The following AGAP1 variants were observed in gnomAD, a reference collection of about 807,000 sequenced individuals.
AGAP1 encodes the protein arf-GAP with GTPase, ANK repeat and PH domain-containing protein 1.
In AGAP1, 29 loss-of-function variants were observed where a neutral mutation model predicts 105.3. The ratio of observed to expected loss-of-function variants is 0.28; its 90% CI spans 0.21 to 0.38. AGAP1 has a LOEUF of 0.38. Among genes scored for constraint, AGAP1 ranks in the 10% least tolerant of loss-of-function variants. The pLI, the probability that AGAP1 is intolerant of heterozygous loss-of-function variation, is 1.00. For synonymous variants in AGAP1, 509 were observed against 485.9 expected (o/e 1.05, Z -0.63); for missense variants, 998 against 1,165.1 (o/e 0.86, Z 2.09).
In AGAP1 at chr2:236,073,637, T is replaced by C. The variant is rs1212287499; in HGVS notation, c.2114+24356T>C. ...ATTTATAAATACCTATAACATAACC[T>C]GAGAATGGCGATTAAGTAACCTGGT... On this transcript the variant is annotated intron_variant, in intron 16 of 17. Transcript: ENST00000304032. The surrounding 1 kb of genome is among the most constrained non-coding windows in gnomAD (Gnocchi z 5.4). Among the ~76,000 whole-genome samples, 1 of 152,168 alleles carries C rather than the reference T, an allele frequency of 6.6e-6. No individual in the cohort carries two copies.
chr2:235,922,419 C>G (rs937210435), intron 11 of AGAP1, among the ~76,000 whole-genome samples: 1 of 152,226 alleles, frequency 6.6e-6, no homozygotes, highest in Non-Finnish European at 1.5e-5. Context: ...CCAAGAGTTG[C>G]TCCTCTTTTC....
At chr2:235,648,346 A>G (rs186416021) in intron 1 of AGAP1, among the ~76,000 whole-genome samples, 169 of 152,278 alleles carry the variant, frequency 1.1e-3, no homozygotes, top group South Asian at 3.9e-3. Flanking sequence ...GCGGTGGGCT[A>G]GCTCCAGTGT....
Position 235,662,024 on chromosome 2 carries a change from C to T in AGAP1, c.164-47155C>T, listed in dbSNP as rs1398134379. Among the ~76,000 whole-genome samples, 1 of 152,108 alleles carries T rather than the reference C, an allele frequency of 6.6e-6. No homozygotes were observed. ...GGCCAAGATTGTAGGGCAGTGTTAT[C>T]CTGGGTGAGTTGGGGTATGGCCATA... On this transcript the variant is annotated intron_variant, in intron 1 of 17. Coordinates refer to ENST00000304032, the MANE Select transcript of AGAP1 (RefSeq NM_001037131.3). This position sits in a 1 kb window ranked among gnomAD's most constrained non-coding sequence, Gnocchi z 4.2.
At chr2:235,636,151 A>ATAAAT (rs766505084) in intron 1 of AGAP1, among the ~76,000 whole-genome samples, 2 of 151,470 alleles carry the variant, frequency 1.3e-5, no homozygotes, top group Non-Finnish European at 2.9e-5. Flanking sequence ...AAATAAATAA[A>ATAAAT]TAAAGTCTCA....
chr2:235,494,148 G>T lies in AGAP1; in HGVS notation c.-539G>T. 1 of 145,170 alleles carries T rather than the reference G, an allele frequency of 6.9e-6. No homozygotes were observed. The highest frequency in any genetic ancestry group is 1.9e-4 in the South Asian group (1 of 5,334). 9.0% of individuals were successfully genotyped at this position (145,170 alleles called of 1,614,324 possible). On this transcript the variant is annotated 5_prime_UTR_variant, in exon 1 of 18. Coordinates refer to ENST00000304032, the MANE Select transcript of AGAP1 (RefSeq NM_001037131.3). Reference sequence around the variant, plus strand: ...CCTGCGACTCGGTCCCAGGTCGGCGGGCGGCGCACGGCGGGCTCGCGCGGG... The same window carrying T: ...CCTGCGACTCGGTCCCAGGTCGGCGTGCGGCGCACGGCGGGCTCGCGCGGG...
chr2:235,851,465 G>A lies in AGAP1; in HGVS notation c.1051-31880G>A, dbSNP rs1470005836. The stretch of plus-strand genomic sequence containing the variant: ...CACCAACGCACCATGTGCCGCAGGC[G>A]AGTGATGGGAAAATGGCCCTCGTTT... On this transcript the variant is annotated intron_variant, in intron 9 of 17. Transcript: ENST00000304032. Among the ~76,000 whole-genome samples the A allele has an allele frequency of 2.6e-5, 4 of 152,228 alleles. No homozygotes were observed. The East Asian group carries it at 5.8e-4, about 22-fold the overall frequency.
chr2:235,670,532 C>G (rs375080093), intron 1 of AGAP1: 25 of 481,930 alleles, frequency 5.2e-5, no homozygotes, highest in East Asian at 2.6e-4. Flanking sequence ...GGAGGGGGCC[C>G]GGGCCGCGCC....
rs1253091796 is a variant in AGAP1 at position 235,965,958 on chromosome 2, T to TG, written c.1484-2502dup. Among the ~76,000 whole-genome samples, 1 of 151,738 alleles carries TG rather than the reference T, an allele frequency of 6.6e-6. No individual in the cohort carries two copies. The highest frequency in any genetic ancestry group is 6.6e-5 in the Admixed American group (1 of 15,262). On this transcript the variant is annotated intron_variant, in intron 12 of 17. Coordinates refer to ENST00000304032, the MANE Select transcript of AGAP1 (RefSeq NM_001037131.3). This position sits in a 1 kb window ranked among gnomAD's most constrained non-coding sequence, Gnocchi z 5.8. ...AGAGGGGAGCCCATTCCTCTAGGGA[T>TG]GGAGAGAGGGGAGTCCGTTCCTCTG...
chr2:236,036,523 TA>T lies in AGAP1; in HGVS notation c.1646-34del. The T allele has an allele frequency of 6.2e-7, 1 of 1,607,978 alleles. No homozygotes were observed. The highest frequency in any genetic ancestry group is 8.5e-7 in the Non-Finnish European group (1 of 1,176,906). On this transcript the variant is annotated intron_variant, in intron 13 of 17. Transcript: ENST00000304032. The surrounding 1 kb of genome is among the most constrained non-coding windows in gnomAD (Gnocchi z 5.7). ...GGCCCGCAGGGGGACTGCTGTCTCA[TA>T]AAAGCTAAACTCTTCATCCCACACT...
In AGAP1 at chr2:235,890,162, C is replaced by CTTTTT. The variant is rs3059035; in HGVS notation, c.1155+6727_1155+6731dup. Among the ~76,000 whole-genome samples, 1,253 of 132,438 alleles carry CTTTTT rather than the reference C, an allele frequency of 9.5e-3. 20 individuals are homozygous for CTTTTT. Among genetic ancestry groups the CTTTTT allele is most frequent in the African/African-American group, 0.034 (1,179 of 35,170 alleles). 86.9% of individuals were successfully genotyped at this position (132,438 alleles called of 152,430 possible). A position where few individuals can be genotyped will look rare whatever the true frequency, so the allele number is the denominator to read the frequency against. ...GGTAGATTTCCACTGTAGTTATTCC[C>CTTTTT]TTTTTTTTTTTTTTTTTTAAGACAG... On this transcript the variant is annotated intron_variant, in intron 10 of 17. Coordinates refer to ENST00000304032, the MANE Select transcript of AGAP1 (RefSeq NM_001037131.3).
rs868119303 is a variant in AGAP1 at position 235,573,075 on chromosome 2, T to C, written c.163+78226T>C. Among the ~76,000 whole-genome samples the C allele has an allele frequency of 6.6e-3, 815 of 124,136 alleles. 166 individuals carry two copies. The highest frequency in any genetic ancestry group is 0.065 in the East Asian group (165 of 2,538). The allele number at this position is 124,136 out of a possible 152,430, so 81.4% of individuals were successfully genotyped here. On this transcript the variant is annotated intron_variant, in intron 1 of 17. Transcript: ENST00000304032. Reference sequence around the variant, plus strand: ...TCTTCTTCTTCTTTCTTCTTTCTTCTTTCTTCTTTCTTCTTTCTTCTTCTT... The same window carrying C: ...TCTTCTTCTTCTTTCTTCTTTCTTCCTTCTTCTTTCTTCTTTCTTCTTCTT...
chr2:235,721,657 T>G lies in AGAP1; in HGVS notation c.310+4013T>G, dbSNP rs1048798358. Among the ~76,000 whole-genome samples, 3 of 152,184 alleles carry G rather than the reference T, an allele frequency of 2.0e-5. No homozygotes were observed. The highest frequency in any genetic ancestry group is 7.2e-5 in the African/African-American group (3 of 41,440). On this transcript the variant is annotated intron_variant, in intron 3 of 17. Transcript: ENST00000304032. This position sits in a 1 kb window ranked among gnomAD's most constrained non-coding sequence, Gnocchi z 4.5. ...TGACGGGGTTGGTTCCTTCTGCAGC[T>G]TAGAGGTTGAATCTGTTCTATGTCT...
At chr2:235,591,247 C>G (rs1044707590) in intron 1 of AGAP1, among the ~76,000 whole-genome samples, 2 of 152,000 alleles carry the variant, frequency 1.3e-5, no homozygotes, top group Admixed American at 6.5e-5. Flanking sequence ...AACTCCTGGA[C>G]TCAGGTGATG....
intron 1 of AGAP1, chr2:235,670,224 C>A: frequency 3.5e-6 from 2 of 569,662 alleles, no homozygotes; most frequent in Non-Finnish European, 6.4e-6. Context: ...GAGCAGCTGG[C>A]CGCGCCGGGC....
intron 10 of AGAP1, among the ~76,000 whole-genome samples, chr2:235,894,529 C>T (rs1424030920): frequency 6.6e-6 from 1 of 152,086 alleles, no homozygotes; most frequent in East Asian, 1.9e-4. Flanking sequence ...GAAGCAGCTT[C>T]CAACAGAAAA....
chr2:235,844,250 A>T (rs1182234593), intron 9 of AGAP1, among the ~76,000 whole-genome samples: 2 of 152,132 alleles, frequency 1.3e-5, no homozygotes, highest in East Asian at 3.9e-4. Flanking sequence ...AAAATGTTTA[A>T]CTTGAATGCA....
intron 1 of AGAP1, among the ~76,000 whole-genome samples, chr2:235,697,452 A>G (rs975185598): frequency 3.3e-5 from 5 of 152,290 alleles, no homozygotes; most frequent in East Asian, 1.9e-4. Flanking sequence ...CGATGAAGCA[A>G]TGCTTCTCTG....
At position 236,001,990 on chromosome 2, in the gene AGAP1, C is replaced by T. The variant is rs1424065559; in HGVS notation, c.1645+33367C>T. On this transcript the variant is annotated intron_variant, in intron 13 of 17. Coordinates refer to ENST00000304032, the MANE Select transcript of AGAP1 (RefSeq NM_001037131.3). This position sits in a 1 kb window ranked among gnomAD's most constrained non-coding sequence, Gnocchi z 4.7. ...TGCCTGATTGGAAGCTTGCGTTGCA[C>T]ATTCAGCCCACGCCTCCATGGCTGG... Among the ~76,000 whole-genome samples, 1 of 152,198 alleles carries T rather than the reference C, an allele frequency of 6.6e-6. No individual in the cohort carries two copies. Among genetic ancestry groups the T allele is most frequent in the African/African-American group, 2.4e-5 (1 of 41,446 alleles).
intron 1 of AGAP1, among the ~76,000 whole-genome samples, chr2:235,652,222 G>T (rs775468693): frequency 1.3e-5 from 2 of 152,108 alleles, no homozygotes; most frequent in Non-Finnish European, 2.9e-5. Context: ...GTGTCCCTCT[G>T]GGAGCAGCCC....
Sources: allele counts gnomAD v4.1 joint callset (sites outside exome capture counted in the v4.1 genomes callset), GRCh38; gene constraint gnomAD v4.1.1; non-coding constraint Gnocchi (gnomAD v3.1); transcripts MANE v1.5; gene names NCBI Gene and HGNC (gene_info 2026-07-23, HGNC 2026-07-21).